MRPL39: variants seen among roughly 807,000 people sequenced by gnomAD.
The protein encoded by MRPL39 is large ribosomal subunit protein mL39.
A neutral mutation model predicts 44.5 loss-of-function variants in MRPL39; 35 were observed. The observed-to-expected ratio is 0.79, with a 90% CI of 0.60 to 1.04. MRPL39 has a LOEUF of 1.04. MRPL39 is among the 50% of genes least tolerant of loss of function. The pLI is 0.00. For synonymous variants in MRPL39, 139 were observed against 136.1 expected, an observed-to-expected ratio of 1.02 and a Z score of -0.15; for missense variants, 433 against 413.5, an observed-to-expected ratio of 1.05 and a Z score of -0.41.
chr21:25,601,000 C>T (rs549302359), intron 4 of MRPL39, among the ~76,000 whole-genome samples: 56 of 152,116 alleles, frequency 3.7e-4, no homozygotes, highest in African/African-American at 1.7e-4. Context: ...CCCAGCTAAT[C>T]GGGAGGGTGA....
Position 25,586,295 on chromosome 21 carries a change from T to A in MRPL39, c.970-541A>T, listed in dbSNP as rs9974062. Among the ~76,000 whole-genome samples, 850 of 152,280 alleles carry A rather than the reference T, an allele frequency of 5.6e-3. 12 individuals carry two copies. Among genetic ancestry groups the A allele is most frequent in the African/African-American group, 0.02 (813 of 41,554 alleles). ...TCCACCCAGATACCTAAGGACAGCATTCAAGAATTCACTCTCTTCTTCCTA... is the reference window on the plus strand; with the variant it reads ...TCCACCCAGATACCTAAGGACAGCAATCAAGAATTCACTCTCTTCTTCCTA... On this transcript the variant is annotated intron_variant, in intron 9 of 9. Coordinates refer to ENST00000352957, the MANE Select transcript of MRPL39 (RefSeq NM_017446.4).
intron 9 of MRPL39, chr21:25,587,784 T>C (rs758123119): frequency 6.2e-7 from 1 of 1,609,244 alleles, no homozygotes. Context: ...GAATGGGAAA[T>C]GGAGTCTAGA....
chr21:25,589,060 GCTT>G (rs2031091470), intron 8 of MRPL39, among the ~76,000 whole-genome samples, 178 bp from the exon 9 acceptor site: 1 of 152,204 alleles, frequency 6.6e-6, no homozygotes. Context: ...GGGGATAGCT[GCTT>G]TTTTGCTTTC....
Position 25,596,089 on chromosome 21 carries a change from G to A in MRPL39, c.701+1213C>T, listed in dbSNP as rs1267617699. Among the ~76,000 whole-genome samples the A allele has an allele frequency of 1.1e-4, 16 of 152,204 alleles. No individual in the cohort carries two copies. In the East Asian group the frequency reaches 2.1e-3, roughly 20 times the overall value. On this transcript the variant is annotated intron_variant, in intron 6 of 9. Transcript: ENST00000352957. ...TCCACTTTGGGAGACCGTTGAGTGC[G>A]ATGAGTAAAAATTTTTTTTTTTTTT...
intron 8 of MRPL39, among the ~76,000 whole-genome samples, chr21:25,592,238 T>C (rs1415494917): frequency 6.6e-6 from 1 of 152,172 alleles, no homozygotes; most frequent in African/African-American, 2.4e-5. Flanking sequence ...GGGATCCCCG[T>C]AGTGAAGGAA....
intron 4 of MRPL39, among the ~76,000 whole-genome samples, chr21:25,600,980 C>T (rs369734630): frequency 8.5e-5 from 13 of 152,122 alleles, no homozygotes; most frequent in East Asian, 3.9e-4. Context: ...TGGTGGCGCG[C>T]GCCTGTAGAC....
intron 7 of MRPL39, 83 bp from the exon 8 acceptor site, chr21:25,593,048 TTGC>T: frequency 8.0e-7 from 1 of 1,245,542 alleles, no homozygotes; most frequent in Non-Finnish European, 1.1e-6. Context: ...TTCCTTCTCT[TTGC>T]TGCTAACATC....
intron 6 of MRPL39, among the ~76,000 whole-genome samples, chr21:25,594,650 C>T (rs971151701): frequency 6.6e-6 from 1 of 152,084 alleles, no homozygotes; most frequent in East Asian, 1.9e-4. Flanking sequence ...TTCTATCCTA[C>T]ACCCTCTTTT....
chr21:25,587,809 TG>T (rs777295956), intron 9 of MRPL39: 1 of 1,565,590 alleles, frequency 6.4e-7, no homozygotes, highest in East Asian at 2.2e-5. Context: ...AAAACTATCA[TG>T]AAGAAATAAG....
At chr21:25,591,524 C>T (rs1334862327) in intron 8 of MRPL39, among the ~76,000 whole-genome samples, 2 of 152,052 alleles carry the variant, frequency 1.3e-5, no homozygotes, top group Non-Finnish European at 2.9e-5. Context: ...CATAAACAGA[C>T]ATTGCACCAA....
At position 25,607,255 on chromosome 21, in the gene MRPL39, C is replaced by T. The variant is rs1388265589; in HGVS notation, c.73+148G>A. On this transcript the variant is annotated intron_variant, in intron 1 of 9. Coordinates refer to ENST00000352957, the MANE Select transcript of MRPL39 (RefSeq NM_017446.4). ...GTTCCCATAAATTAGTCCTCCCAAG[C>T]TGTGCAAGAGCGACCGCCGCGGAGG... 6 of 796,170 alleles carry T rather than the reference C, an allele frequency of 7.5e-6. No homozygotes were observed. In the African/African-American group the frequency reaches 8.6e-5, roughly 11 times the overall value. The allele number at this position is 796,170 out of a possible 1,614,324, so 49.3% of individuals were successfully genotyped here.
At chr21:25,595,870 C>T (rs770407857) in intron 6 of MRPL39, among the ~76,000 whole-genome samples, 1 of 151,996 alleles carries the variant, frequency 6.6e-6, no homozygotes, top group Admixed American at 6.5e-5. Flanking sequence ...AGTGACTTCA[C>T]GTGTTCAGAT....
At chr21:25,589,709 T>A (rs2031111929) in intron 8 of MRPL39, among the ~76,000 whole-genome samples, 1 of 152,246 alleles carries the variant, frequency 6.6e-6, no homozygotes, top group African/African-American at 2.4e-5. Flanking sequence ...GGCCAGTGAC[T>A]ACTCCACACT....
chr21:25,587,234 A>G (rs1488610918), intron 9 of MRPL39, among the ~76,000 whole-genome samples: 4 of 152,012 alleles, frequency 2.6e-5, no homozygotes, highest in Non-Finnish European at 5.9e-5. Context: ...TATTTCTTTA[A>G]TATTCTTTAG....
chr21:25,597,462 T>C, intron 5 of MRPL39, 48 bp from the exon 6 acceptor site: 2 of 1,100,210 alleles, frequency 1.8e-6, no homozygotes, highest in Non-Finnish European at 2.7e-6. Flanking sequence ...CTGAAAAGCA[T>C]TTCTCCATAA....
chr21:25,603,648 C>A, intron 3 of MRPL39, 148 bp downstream of exon 3: 1 of 793,854 alleles, frequency 1.3e-6, no homozygotes, highest in Non-Finnish European at 1.9e-6. Context: ...ACAAAAGTGC[C>A]TAATCTAACA....
At position 25,606,534 on chromosome 21, in the gene MRPL39, T is replaced by C. The variant is rs1022217653; in HGVS notation, c.195A>G (p.Ile65Met). The C allele has an allele frequency of 2.5e-6, 4 of 1,614,002 alleles. No individual in the cohort carries two copies. Among genetic ancestry groups the C allele is most frequent in the Admixed American group, 1.7e-5 (1 of 59,996 alleles). ...CAGTTTTCCCAACATGCTTAACTTC[T>C]ATCTTCTCAGTTCGGGGAGTTAATG... is the stretch of plus-strand genomic sequence containing the variant. ...QLSLTPRTEK[I>M]EVKHVGKTDP... The change falls in exon 2 of 10, where the codon ATA becomes ATG. Residue 65 changes from isoleucine (I) to methionine (M), a missense_variant. Transcript: ENST00000352957.
chr21:25,588,953 T>C (rs1014340824), intron 8 of MRPL39, 71 bp from the exon 9 acceptor site: 1 of 1,293,704 alleles, frequency 7.7e-7, no homozygotes, highest in Non-Finnish European at 1.1e-6. Context: ...AGAGTCTTTA[T>C]ATAGCTTTTA....
chr21:25,604,588 T>A (rs1261295667), intron 2 of MRPL39, among the ~76,000 whole-genome samples: 1 of 152,216 alleles, frequency 6.6e-6, no homozygotes, highest in East Asian at 1.9e-4. Context: ...GTAGTTACCA[T>A]TTTTTAATAA....
Sources: gnomAD v4.1 joint callset for allele counts (sites outside exome capture counted in the v4.1 genomes callset) on GRCh38, gnomAD v4.1.1 for gene constraint, MANE v1.5 for transcripts, NCBI Gene and HGNC (gene_info 2026-07-23, HGNC 2026-07-21) for gene names.